GAS7: variants seen among roughly 807,000 people sequenced by gnomAD.
GAS7 encodes the protein growth arrest specific 7.
A neutral mutation model predicts 71.1 loss-of-function variants in GAS7; 28 were observed. That is an observed-to-expected ratio of 0.39 (90% CI 0.29 to 0.54). The LOEUF (loss-of-function observed/expected upper bound fraction) is 0.54, where lower values mean the gene tolerates loss of function less well. GAS7 is among the 20% of genes least tolerant of loss of function. GAS7 has a pLI of 0.62. For synonymous variants in GAS7, 258 were observed against 245.8 expected (o/e 1.05, Z -0.46); for missense variants, 436 against 627.8 (o/e 0.69, Z 3.27).
At chr17:10,049,647 G>T (rs1274515244) in intron 1 of GAS7, among the ~76,000 whole-genome samples, 2 of 101,696 alleles carry the variant, frequency 2.0e-5, no homozygotes, top group Admixed American at 1.5e-4. Context: ...TTGAGACAGA[G>T]TCTCACTCTG....
intron 2 of GAS7, among the ~76,000 whole-genome samples, chr17:10,012,189 C>T (rs2071801199): frequency 6.6e-6 from 1 of 152,162 alleles, no homozygotes; most frequent in Non-Finnish European, 1.5e-5. Flanking sequence ...GTATCCTAAA[C>T]ATATCTAAAA....
chr17:9,921,046 G>A (rs1466705590), intron 11 of GAS7, among the ~76,000 whole-genome samples: 1 of 152,022 alleles, frequency 6.6e-6, no homozygotes, highest in Non-Finnish European at 1.5e-5. Context: ...CCACACCAAG[G>A]CATTTATTCA....
chr17:10,148,909 C>CAA (rs752140645), intron 1 of GAS7, among the ~76,000 whole-genome samples: 7,345 of 117,186 alleles, frequency 0.063, 500 homozygotes, highest in Admixed American at 0.11. Flanking sequence ...GACTCCGCCT[C>CAA]AAAAAAAAAA....
chr17:10,131,608 C>A (rs138861190), intron 1 of GAS7, among the ~76,000 whole-genome samples: 1 of 152,132 alleles, frequency 6.6e-6, no homozygotes, highest in Non-Finnish European at 1.5e-5. Context: ...GACAACAGAG[C>A]GAGACTCTGT....
intron 2 of GAS7, among the ~76,000 whole-genome samples, chr17:10,001,830 A>T (rs1410746987): frequency 2.0e-5 from 3 of 152,166 alleles, no homozygotes; most frequent in Non-Finnish European, 4.4e-5. Flanking sequence ...ACATAATTTT[A>T]AAAAAATCCA....
intron 1 of GAS7, among the ~76,000 whole-genome samples, chr17:10,042,053 T>C (rs895025199): frequency 2.6e-5 from 4 of 152,024 alleles, no homozygotes; most frequent in African/African-American, 4.8e-5. Context: ...TCCTAGCACG[T>C]TGGGAAGCCA....
chr17:10,008,616 T>C (rs2071629431), intron 2 of GAS7, among the ~76,000 whole-genome samples: 3 of 152,032 alleles, frequency 2.0e-5, no homozygotes, highest in African/African-American at 7.2e-5. Flanking sequence ...TACCTAAACA[T>C]TACATGTTAG....
chr17:10,175,107 A>G (rs2074363596), intron 1 of GAS7, among the ~76,000 whole-genome samples: 1 of 151,926 alleles, frequency 6.6e-6, no homozygotes, highest in Admixed American at 6.6e-5. Context: ...CGGCCTCCCA[A>G]AGTGTTGGGA....
rs1356477200 is a variant in GAS7 at position 9,911,851 on chromosome 17, A to AG, written c.*5376dup. On this transcript the variant is annotated 3_prime_UTR_variant, in exon 14 of 14. Transcript: ENST00000432992. The surrounding 1 kb of genome is among the most constrained non-coding windows in gnomAD (Gnocchi z 4.0). ...TCTCGGGACTCACCTTTCACTGAGC[A>AG]GGGGGCATGAACAAGACACAGCTTA... The AG allele has an allele frequency of 1.7e-5, 4 of 231,594 alleles. No individual in the cohort carries two copies. The highest frequency in any genetic ancestry group is 3.4e-5 in the Non-Finnish European group (4 of 117,186). The allele number at this position is 231,594 out of a possible 1,614,324, so 14.3% of individuals were successfully genotyped here.
At chr17:10,126,972 AC>A (rs1211644652) in intron 1 of GAS7, among the ~76,000 whole-genome samples, 3 of 152,128 alleles carry the variant, frequency 2.0e-5, no homozygotes, top group Admixed American at 2.0e-4. Context: ...GAGTCTAGAA[AC>A]CTGGGTGTGA....
At position 9,911,442 on chromosome 17, in the gene GAS7, A is replaced by T. The variant is rs529119953; in HGVS notation, c.*5786T>A. The T allele has an allele frequency of 7.3e-5, 17 of 233,330 alleles. No homozygotes were observed. The South Asian group carries it at 2.0e-3, about 27-fold the overall frequency. 14.5% of individuals were successfully genotyped at this position (233,330 alleles called of 1,614,324 possible). A position where few individuals can be genotyped will look rare whatever the true frequency, so the allele number is the denominator to read the frequency against. ...AAGTTTCCCTCAAACACCAAGGAACAGTCCTGAACACCACACGCAATCTCC... is the reference window on the plus strand; with the variant it reads ...AAGTTTCCCTCAAACACCAAGGAACTGTCCTGAACACCACACGCAATCTCC... On this transcript the variant is annotated 3_prime_UTR_variant, in exon 14 of 14. Transcript: ENST00000432992. The surrounding 1 kb of genome is among the most constrained non-coding windows in gnomAD (Gnocchi z 4.0).
chr17:10,019,119 A>G (rs2072160030), intron 2 of GAS7, among the ~76,000 whole-genome samples: 1 of 151,950 alleles, frequency 6.6e-6, no homozygotes, highest in South Asian at 2.1e-4. Flanking sequence ...ACTTCTGGGG[A>G]TCCTGGGGTC....
rs547709356 is a variant in GAS7 at position 9,919,167 on chromosome 17, C to A, written c.1218+459G>T. Among the ~76,000 whole-genome samples, 12 of 115,306 alleles carry A rather than the reference C, an allele frequency of 1.0e-4. No homozygotes were observed. The highest frequency in any genetic ancestry group is 3.2e-4 in the African/African-American group (12 of 37,458). The allele number at this position is 115,306 out of a possible 152,430, so 75.6% of individuals were successfully genotyped here. Reference sequence around the variant, plus strand: ...ATCGGCCCTGCCGCCTGTTGTTCACCCTTGGTGAGAGGCCTCCCCCACCCC... The same window carrying A: ...ATCGGCCCTGCCGCCTGTTGTTCACACTTGGTGAGAGGCCTCCCCCACCCC... On this transcript the variant is annotated intron_variant, in intron 12 of 13. Transcript: ENST00000432992. This position sits in a 1 kb window ranked among gnomAD's most constrained non-coding sequence, Gnocchi z 5.0.
intron 1 of GAS7, among the ~76,000 whole-genome samples, chr17:10,135,234 G>A (rs1185777684): frequency 6.6e-6 from 1 of 152,184 alleles, no homozygotes; most frequent in Non-Finnish European, 1.5e-5. Flanking sequence ...CATGGAAAGA[G>A]GCAGTAATCC....
rs12946613 is a variant in GAS7, at chr17:10,103,781, T to G, written c.184-83884A>C. ...GCAGAGGTTGCAGTGAGCCAAGATC[T>G]CACCATTGCACTCCAGCCTGGGTGA... On this transcript the variant is annotated intron_variant, in intron 1 of 13. Coordinates refer to ENST00000432992, the MANE Select transcript of GAS7 (RefSeq NM_201433.2). This position sits in a 1 kb window ranked among gnomAD's most constrained non-coding sequence, Gnocchi z 5.5. 0.11 allele frequency among the ~76,000 whole-genome samples: 16,243 copies of G among 148,290 alleles called. 961 individuals carry two copies. The highest frequency in any genetic ancestry group is 0.19 in the South Asian group (892 of 4,682).
At chr17:10,102,752 T>G (rs920604333) in intron 1 of GAS7, among the ~76,000 whole-genome samples, 1 of 66,424 alleles carries the variant, frequency 1.5e-5, no homozygotes, top group African/African-American at 6.0e-5. Context: ...CCAGGCCCTG[T>G]TTTTTTTTTT....
intron 3 of GAS7, among the ~76,000 whole-genome samples, chr17:9,973,035 A>G (rs1210010750): frequency 1.3e-5 from 2 of 152,212 alleles, no homozygotes; most frequent in Non-Finnish European, 2.9e-5. Flanking sequence ...GGCCAATAAC[A>G]TACGCCAAAA....
At chr17:10,028,972 A>G (rs1454761001) in intron 1 of GAS7, among the ~76,000 whole-genome samples, 1 of 152,234 alleles carries the variant, frequency 6.6e-6, no homozygotes, top group Non-Finnish European at 1.5e-5. Flanking sequence ...AACAGAAAAG[A>G]AAGAATAAAC....
chr17:10,065,588 T>C (rs1218374485), intron 1 of GAS7, among the ~76,000 whole-genome samples: 1 of 152,232 alleles, frequency 6.6e-6, no homozygotes, highest in South Asian at 2.1e-4. Flanking sequence ...TTCTCTCTTA[T>C]AAAGATGCTT....
Sources: gnomAD v4.1 joint callset for allele counts (sites outside exome capture counted in the v4.1 genomes callset) on GRCh38, gnomAD v4.1.1 for gene constraint, Gnocchi (gnomAD v3.1) non-coding constraint, MANE v1.5 for transcripts, NCBI Gene and HGNC (gene_info 2026-07-23, HGNC 2026-07-21) for gene names.